The following KAZN variants were observed in gnomAD, a reference collection of about 807,000 sequenced individuals.
KAZN encodes the protein kazrin, periplakin interacting protein.
A neutral mutation model predicts 87.4 loss-of-function variants in KAZN; 40 were observed. The ratio of observed to expected loss-of-function variants is 0.46; its 90% CI spans 0.36 to 0.60. KAZN has a LOEUF of 0.60. KAZN is among the 20% of genes least tolerant of loss of function. The pLI, the probability that KAZN is intolerant of heterozygous loss-of-function variation, is 0.00. For missense variants in KAZN, 898 were observed against 1,073.9 expected (o/e 0.84, Z 2.29); for synonymous variants, 466 against 458.3 (o/e 1.02, Z -0.22).
chr1:14,088,262 A>G (rs1643898851), intron 1 of KAZN, among the ~76,000 whole-genome samples: 1 of 151,792 alleles, frequency 6.6e-6, no homozygotes, highest in South Asian at 2.1e-4. Flanking sequence ...TTTCTAACAT[A>G]AAAATTTCAT....
intron 1 of KAZN, among the ~76,000 whole-genome samples, chr1:14,057,089 C>A (rs1482559587): frequency 6.7e-6 from 1 of 148,996 alleles, no homozygotes; most frequent in Non-Finnish European, 1.5e-5. Context: ...AAGCTAGTTG[C>A]AGAAGGGAAC....
intron 2 of KAZN, among the ~76,000 whole-genome samples, chr1:14,574,212 T>C (rs6658018): frequency 0.25 from 38,104 of 151,956 alleles, 5,197 homozygotes; most frequent in African/African-American, 0.35. Flanking sequence ...ATGTATAGCT[T>C]GGGGAAGTTG....
chr1:15,035,776 T>C (rs1672196488), intron 3 of KAZN, among the ~76,000 whole-genome samples: 1 of 151,958 alleles, frequency 6.6e-6, no homozygotes, highest in African/African-American at 2.4e-5. Flanking sequence ...GAGGTGGAGG[T>C]TGCAGTGAGC....
At chr1:14,673,789 G>A (rs1216905761) in intron 1 of KAZN, among the ~76,000 whole-genome samples, 11 of 152,184 alleles carry the variant, frequency 7.2e-5, no homozygotes, top group South Asian at 2.1e-4. Flanking sequence ...CCTTCCCTCC[G>A]TGTGCTTTCT....
chr1:14,212,563 G>C (rs1646875864), intron 2 of KAZN, among the ~76,000 whole-genome samples: 1 of 151,990 alleles, frequency 6.6e-6, no homozygotes, highest in South Asian at 2.1e-4. Flanking sequence ...TCTTAGAATG[G>C]AATAGAAAGT....
At chr1:14,389,257 T>A (rs1314904179) in intron 2 of KAZN, among the ~76,000 whole-genome samples, 1 of 152,164 alleles carries the variant, frequency 6.6e-6, no homozygotes, top group Non-Finnish European at 1.5e-5. Context: ...TAGATGGGAA[T>A]ATAAACTAGT....
intron 1 of KAZN, among the ~76,000 whole-genome samples, chr1:14,618,178 G>GA (rs1221352888): frequency 1.3e-5 from 2 of 152,222 alleles, no homozygotes; most frequent in East Asian, 3.9e-4. Context: ...TTTGTAAGGT[G>GA]TGTCCCATGT....
chr1:14,407,571 G>C (rs1436580124), intron 2 of KAZN, among the ~76,000 whole-genome samples: 3 of 152,098 alleles, frequency 2.0e-5, no homozygotes, highest in Non-Finnish European at 2.9e-5. Flanking sequence ...ACAGATCTGG[G>C]GTCAAGCCTC....
chr1:13,927,005 T>G (rs1368588992), intron 1 of KAZN, among the ~76,000 whole-genome samples: 1 of 152,262 alleles, frequency 6.6e-6, no homozygotes, highest in African/African-American at 2.4e-5. Context: ...CTCGGCCCTT[T>G]GTTTTCCATG....
At chr1:14,941,944 C>A (rs552549288) in intron 1 of KAZN, among the ~76,000 whole-genome samples, 8 of 152,256 alleles carry the variant, frequency 5.3e-5, no homozygotes, top group African/African-American at 1.9e-4. Flanking sequence ...GGGCCGTCTA[C>A]CGCTGGAGGT....
At chr1:14,912,258 C>A (rs2801179) in intron 1 of KAZN, among the ~76,000 whole-genome samples, 9,184 of 152,046 alleles carry the variant, frequency 0.06, 372 homozygotes, top group Non-Finnish European at 0.096. Flanking sequence ...TTCTAATCTG[C>A]CACATTGGGG....
intron 1 of KAZN, among the ~76,000 whole-genome samples, chr1:14,811,110 A>G (rs1316333195): frequency 6.6e-6 from 1 of 152,200 alleles, no homozygotes; most frequent in Non-Finnish European, 1.5e-5. Context: ...AATGTGGTCC[A>G]GAGGAATTCC....
intron 4 of KAZN, among the ~76,000 whole-genome samples, chr1:15,050,159 G>GAAATAGAATA (rs201481507): frequency 6.1e-5 from 8 of 131,238 alleles, no homozygotes; most frequent in African/African-American, 2.0e-4. Flanking sequence ...AGAATAGAAT[G>GAAATAGAATA]GAATAGAATA....
intron 2 of KAZN, among the ~76,000 whole-genome samples, chr1:14,340,767 GTC>G (rs1448717289): frequency 1.3e-5 from 2 of 151,762 alleles, no homozygotes; most frequent in East Asian, 3.9e-4. Context: ...CTGTAAGTGT[GTC>G]TGTTTTTTGA....
chr1:14,754,168 T>G (rs533773728), intron 1 of KAZN, among the ~76,000 whole-genome samples: 1 of 152,092 alleles, frequency 6.6e-6, no homozygotes, highest in Non-Finnish European at 1.5e-5. Flanking sequence ...GTTGGGTGGG[T>G]TGGGGTGGAC....
At chr1:14,956,176 A>T (rs1663069935) in intron 1 of KAZN, among the ~76,000 whole-genome samples, 1 of 151,998 alleles carries the variant, frequency 6.6e-6, no homozygotes, top group African/African-American at 2.4e-5. Flanking sequence ...CAAAGTCAAG[A>T]CAAGGCCCCG....
Position 14,030,321 on chromosome 1 carries a change from A to G in KAZN, c.91+136565A>G, listed in dbSNP as rs111274323. Among the ~76,000 whole-genome samples, 755 of 151,660 alleles carry G rather than the reference A, an allele frequency of 5.0e-3. 5 individuals carry two copies. Among genetic ancestry groups the G allele is most frequent in the African/African-American group, 0.017 (721 of 41,348 alleles). ...TGGAAATCATCATTCTCAGTAAACT[A>G]TCGCAAGAACAAAAAACCAAACACC... On this transcript the variant is annotated intron_variant, in intron 1 of 16. Transcript: ENST00000636203.
chr1:14,737,715 A>T (rs967240418), intron 1 of KAZN, among the ~76,000 whole-genome samples: 5 of 152,142 alleles, frequency 3.3e-5, no homozygotes, highest in African/African-American at 4.8e-5. Context: ...TCATGTGGTT[A>T]TTGATGGAAA....
At position 14,815,352 on chromosome 1, in the gene KAZN, A is replaced by C. The variant is rs1012774163; in HGVS notation, c.227-145332A>C. Reference sequence around the variant, plus strand: ...CGTTGGCAGTCCTCTGACCCCCCTAAGAGTGCTGAGAAGGTTAAATAAACA... The same window carrying C: ...CGTTGGCAGTCCTCTGACCCCCCTACGAGTGCTGAGAAGGTTAAATAAACA... On this transcript the variant is annotated intron_variant, in intron 1 of 14. Transcript: ENST00000376030. Among the ~76,000 whole-genome samples the C allele has an allele frequency of 4.6e-5, 7 of 152,290 alleles. No homozygotes were observed. The East Asian group carries it at 1.4e-3, about 29-fold the overall frequency.
Sources: gnomAD v4.1 joint callset for allele counts (sites outside exome capture counted in the v4.1 genomes callset) on GRCh38, gnomAD v4.1.1 for gene constraint, MANE v1.5 for transcripts, NCBI Gene and HGNC (gene_info 2026-07-23, HGNC 2026-07-21) for gene names.